The following ARPP21 variants were observed in gnomAD, a reference collection of about 807,000 sequenced individuals.
ARPP21 encodes cAMP regulated phosphoprotein 21, also known as cAMP-regulated phosphoprotein 21.
ARPP21 carries 69 observed loss-of-function variants against 113.2 expected under a neutral mutation model. The observed-to-expected ratio is 0.61, with a 90% CI of 0.50 to 0.74. The LOEUF is 0.74. Among genes scored for constraint, ARPP21 ranks in the 30% least tolerant of loss-of-function variants. ARPP21 has a pLI of 0.00. For missense variants in ARPP21, 1,070 were observed against 1,037.4 expected, an observed-to-expected ratio of 1.03 and a Z score of -0.43; for synonymous variants, 368 against 375.5, an observed-to-expected ratio of 0.98 and a Z score of 0.23.
chr3:35,732,962 T>C (rs1258473416), intron 15 of ARPP21, among the ~76,000 whole-genome samples: 1 of 152,208 alleles, frequency 6.6e-6, no homozygotes, highest in African/African-American at 2.4e-5. Flanking sequence ...TCCTTGTCTA[T>C]CCATAATCAG....
At chr3:35,675,473 C>G (rs2149377028) in intron 1 of ARPP21, among the ~76,000 whole-genome samples, 1 of 151,952 alleles carries the variant, frequency 6.6e-6, no homozygotes, top group East Asian at 2.0e-4. Context: ...CAAACTGGGC[C>G]AGTCTTGTGA....
chr3:35,717,780 G>T (rs569704994), intron 13 of ARPP21, among the ~76,000 whole-genome samples: 1 of 152,256 alleles, frequency 6.6e-6, no homozygotes, highest in Admixed American at 6.5e-5. Context: ...TTCAAACAGT[G>T]TGTTTTCAAG....
At chr3:35,655,738 G>A (rs935364734) in intron 1 of ARPP21, among the ~76,000 whole-genome samples, 6 of 152,042 alleles carry the variant, frequency 3.9e-5, no homozygotes, top group Non-Finnish European at 5.9e-5. Flanking sequence ...ACCTCAAGGG[G>A]AAATCTCAGA....
intron 19 of ARPP21, among the ~76,000 whole-genome samples, chr3:35,753,463 C>G (rs955844457): frequency 6.6e-6 from 1 of 151,960 alleles, no homozygotes. Context: ...TCCATGAAAG[C>G]TCATTTCAGT....
rs1697586309 is a variant in ARPP21, at chr3:35,640,194, T to C, written c.-417T>C. The C allele has an allele frequency of 6.6e-6, 1 of 152,206 alleles. No individual in the cohort carries two copies. Among genetic ancestry groups the C allele is most frequent in the South Asian group, 2.1e-4 (1 of 4,834 alleles). 9.4% of individuals were successfully genotyped at this position (152,206 alleles called of 1,614,324 possible). On this transcript the variant is annotated 5_prime_UTR_variant, in exon 1 of 21. Coordinates refer to ENST00000684406, the MANE Select transcript of ARPP21 (RefSeq NM_001385562.1). Reference sequence around the variant, plus strand: ...AGCCGACACTGCAGAAAGCTCCTTTTACTAGCAGTTAAATAAATCGACCAA... The same window carrying C: ...AGCCGACACTGCAGAAAGCTCCTTTCACTAGCAGTTAAATAAATCGACCAA...
intron 7 of ARPP21, 41 bp downstream of exon 7, chr3:35,689,426 A>G (rs1343791829): frequency 2.1e-6 from 2 of 972,470 alleles, no homozygotes; most frequent in Non-Finnish European, 3.3e-6. Context: ...GAAGGATCAA[A>G]TAGAATATTA....
intron 19 of ARPP21, among the ~76,000 whole-genome samples, chr3:35,764,999 T>C (rs1360536279): frequency 6.6e-6 from 1 of 152,050 alleles, no homozygotes; most frequent in East Asian, 1.9e-4. Flanking sequence ...AGAACTAAAA[T>C]CATAAGCAAT....
chr3:35,670,651 C>G (rs2076104212), intron 1 of ARPP21, among the ~76,000 whole-genome samples: 1 of 152,050 alleles, frequency 6.6e-6, no homozygotes, highest in African/African-American at 2.4e-5. Flanking sequence ...TGAGTGCTGC[C>G]TGCCACAAAC....
intron 8 of ARPP21, 31 bp from the exon 9 acceptor site, chr3:35,690,834 T>C (rs777641269): frequency 4.4e-6 from 7 of 1,576,730 alleles, no homozygotes; most frequent in Non-Finnish European, 6.0e-6. Context: ...ATGAAAATGC[T>C]GATTCCACTT....
chr3:35,701,136 C>T (rs2086223141), intron 9 of ARPP21, among the ~76,000 whole-genome samples: 1 of 151,462 alleles, frequency 6.6e-6, no homozygotes, highest in Non-Finnish European at 1.5e-5. Flanking sequence ...TAGGCTAATC[C>T]AAAACATTTC....
chr3:35,718,135 G>T (rs2092660060), intron 13 of ARPP21, among the ~76,000 whole-genome samples: 1 of 152,072 alleles, frequency 6.6e-6, no homozygotes, highest in African/African-American at 2.4e-5. Flanking sequence ...TTAAAAGAAA[G>T]AAAATACTAA....
At chr3:35,785,155 G>A (rs2096603184) in intron 19 of ARPP21, 1 of 152,126 alleles carries the variant, frequency 6.6e-6, no homozygotes, top group Admixed American at 6.5e-5. Context: ...TCTTAAAGTT[G>A]CCTCAGCAGT....
rs1010874411 is a variant in ARPP21, at chr3:35,709,075, G to C, written c.897+5G>C. 1 of 1,602,138 alleles carries C rather than the reference G, an allele frequency of 6.2e-7. No individual in the cohort carries two copies. Among genetic ancestry groups the C allele is most frequent in the Non-Finnish European group, 8.6e-7 (1 of 1,169,482 alleles). On this transcript the variant is annotated splice_donor_5th_base_variant and intron_variant, in intron 11 of 20. Coordinates refer to ENST00000684406, the MANE Select transcript of ARPP21 (RefSeq NM_001385562.1). The stretch of plus-strand genomic sequence containing the variant: ...GAGAGAATATTTGCACACGATGTGA[G>C]TAGTTGTTTTAATTGCCTCTTTAGT...
At chr3:35,673,482 T>C (rs1267388785) in intron 1 of ARPP21, among the ~76,000 whole-genome samples, 1 of 151,946 alleles carries the variant, frequency 6.6e-6, no homozygotes, top group Non-Finnish European at 1.5e-5. Context: ...GGAGTGATGA[T>C]TTTGGTAATA....
intron 1 of ARPP21, among the ~76,000 whole-genome samples, chr3:35,662,443 A>G (rs1038720649): frequency 2.6e-5 from 4 of 152,146 alleles, no homozygotes; most frequent in African/African-American, 4.8e-5. Flanking sequence ...ACTCTGAGAT[A>G]GAGTTAAGTG....
intron 11 of ARPP21, among the ~76,000 whole-genome samples, chr3:35,710,838 G>A (rs975759859): frequency 6.6e-6 from 1 of 152,134 alleles, no homozygotes; most frequent in Non-Finnish European, 1.5e-5. Flanking sequence ...GGGAGACAGG[G>A]TCTGCATGAC....
Position 35,721,727 on chromosome 3 carries a change from A to G in ARPP21, c.1118A>G (p.Asn373Ser), listed in dbSNP as rs1576298583. ...ACAGACTCCGACAGTTCCAACCGCA[A>G]TCTAAAGCCCGCCATGACCAAGACG... The part of the protein sequence containing the change: ...SSTDSDSSNR[N>S]LKPAMTKTAS... The change falls in exon 14 of 21, where the codon AAT becomes AGT. Residue 373 changes from asparagine to serine, a missense_variant. Transcript: ENST00000684406. 1 of 1,613,910 alleles carries G rather than the reference A, an allele frequency of 6.2e-7. No individual in the cohort carries two copies. The highest frequency in any genetic ancestry group is 8.5e-7 in the Non-Finnish European group (1 of 1,179,900).
chr3:35,721,755 G>A lies in ARPP21; in HGVS notation c.1146G>A (p.Ala382=), dbSNP rs1353038689. The A allele has an allele frequency of 1.9e-6, 3 of 1,613,798 alleles. No homozygotes were observed. Among genetic ancestry groups the A allele is most frequent in the South Asian group, 1.1e-5 (1 of 91,002 alleles). ...TAAAGCCCGCCATGACCAAGACGGC[G>A]AGTTTTGGGGGCATCACGGTGCTGA... ...RNLKPAMTKT[A]SFGGITVLTR... Residue 382 remains alanine, a synonymous_variant, in exon 14 of 21, where the codon GCG becomes GCA. Coordinates refer to ENST00000684406, the MANE Select transcript of ARPP21 (RefSeq NM_001385562.1).
At chr3:35,676,018 C>G (rs150934042) in intron 1 of ARPP21, among the ~76,000 whole-genome samples, 1 of 151,852 alleles carries the variant, frequency 6.6e-6, no homozygotes, top group African/African-American at 2.4e-5. Context: ...TATTAATTTG[C>G]TTATTTTTTA....
Sources: allele counts gnomAD v4.1 joint callset (sites outside exome capture counted in the v4.1 genomes callset), GRCh38; gene constraint gnomAD v4.1.1; transcripts MANE v1.5; gene names NCBI Gene and HGNC (gene_info 2026-07-23, HGNC 2026-07-21).